Variants in EYS observed in about 807,000 individuals in gnomAD.
EYS encodes protein eyes shut homolog.
EYS carries 250 observed loss-of-function variants against 282.1 expected under a neutral mutation model. The observed-to-expected ratio is 0.89, with a 90% confidence interval of 0.80 to 0.98. EYS has a LOEUF of 0.98. Among genes scored for constraint, EYS ranks in the 50% least tolerant of loss-of-function variants. The probability of loss-of-function intolerance (pLI) is 0.00; values close to 1 mark genes in which losing one functional copy is unlikely to be tolerated. For missense variants in EYS, 4,016 were observed against 3,709.0 expected (o/e 1.08, Z -2.15); for synonymous variants, 1,355 against 1,282.9 (o/e 1.06, Z -1.20).
intron 1 of EYS, among the ~76,000 whole-genome samples, chr6:65,655,407 AGTT>A (rs2149821872): frequency 6.6e-6 from 1 of 151,804 alleles, no homozygotes; most frequent in African/African-American, 2.4e-5. Context: ...ATCATTAATA[AGTT>A]GTTGTTTATA....
At chr6:65,092,268 T>C (rs1423441965) in intron 12 of EYS, among the ~76,000 whole-genome samples, 1 of 152,160 alleles carries the variant, frequency 6.6e-6, no homozygotes, top group Non-Finnish European at 1.5e-5. Flanking sequence ...CAAAGATTCA[T>C]ACTATTAAAA....
chr6:65,392,055 A>T (rs964163822), intron 7 of EYS, among the ~76,000 whole-genome samples: 1 of 152,148 alleles, frequency 6.6e-6, no homozygotes, highest in Non-Finnish European at 1.5e-5. Context: ...AACCTGAGAG[A>T]AACAAGCAAT....
At chr6:65,436,434 C>T (rs946099277) in intron 5 of EYS, among the ~76,000 whole-genome samples, 7 of 151,820 alleles carry the variant, frequency 4.6e-5, no homozygotes, top group African/African-American at 9.7e-5. Context: ...TGAAAGGACT[C>T]GGCCAGAGCA....
intron 35 of EYS, among the ~76,000 whole-genome samples, chr6:63,888,477 T>G (rs7764594): frequency 6.6e-6 from 1 of 152,150 alleles, no homozygotes; most frequent in African/African-American, 2.4e-5. Context: ...GCAGCCTCCA[T>G]TGGCGATACC....
intron 12 of EYS, among the ~76,000 whole-genome samples, chr6:65,287,005 G>A (rs1284896641): frequency 6.6e-6 from 1 of 151,340 alleles, no homozygotes; most frequent in Non-Finnish European, 1.5e-5. Flanking sequence ...GCTCAGTAGT[G>A]TTATCACCTT....
At chr6:64,848,286 G>GT (rs1256278857) in intron 19 of EYS, among the ~76,000 whole-genome samples, 5 of 151,258 alleles carry the variant, frequency 3.3e-5, no homozygotes, top group Middle Eastern at 3.2e-3. Context: ...ATAATATTAT[G>GT]TTTTTTTATA....
intron 31 of EYS, among the ~76,000 whole-genome samples, chr6:64,131,454 T>C (rs1015840991): frequency 6.6e-6 from 1 of 152,194 alleles, no homozygotes; most frequent in African/African-American, 2.4e-5. Context: ...AGTTGTCATG[T>C]AGAGTCTATG....
At position 65,495,257 on chromosome 6, in the gene EYS, C is replaced by A. The variant is rs749994406; in HGVS notation, c.154G>T (p.Asp52Tyr). 1.2e-6 allele frequency: 2 copies of A among 1,614,074 alleles called. No homozygotes were observed. The highest frequency in any genetic ancestry group is 2.2e-5 in the South Asian group (2 of 91,084). The part of the protein sequence containing the change: ...NWTLTENICL[D>Y]FYRDCWFLGV... ...AAAAACCAGCAATCTCTGTAGAAGT[C>A]CAAGCAGATGTTTTCTGTTAGTGTC... The change falls in exon 4 of 43, where the codon GAC becomes TAC. Residue 52 changes from aspartate (D) to tyrosine (Y), a missense_variant. Transcript: ENST00000503581.
intron 12 of EYS, among the ~76,000 whole-genome samples, chr6:65,227,038 C>T (rs1766645084): frequency 6.6e-6 from 1 of 151,602 alleles, no homozygotes; most frequent in Non-Finnish European, 1.5e-5. Flanking sequence ...AGTGAGAGAC[C>T]AGCCTGATCA....
intron 30 of EYS, among the ~76,000 whole-genome samples, chr6:64,248,779 G>C (rs1341267903): frequency 1.3e-5 from 2 of 152,112 alleles, no homozygotes; most frequent in Non-Finnish European, 1.5e-5. Context: ...GATCGGCCGG[G>C]TGCAGTGGCT....
intron 35 of EYS, among the ~76,000 whole-genome samples, chr6:63,914,873 G>T (rs1764379964): frequency 6.6e-6 from 1 of 152,180 alleles, no homozygotes; most frequent in Admixed American, 6.6e-5. Context: ...CTTGAGAGAG[G>T]TGAGAAAGCT....
At chr6:64,412,830 T>C (rs1252334574) in intron 28 of EYS, 1 of 152,164 alleles carries the variant, frequency 6.6e-6, no homozygotes, top group African/African-American at 2.4e-5. Context: ...TTTTCTTTAC[T>C]ATGAATAAAA....
chr6:65,503,823 T>C (rs1386166317), intron 2 of EYS, among the ~76,000 whole-genome samples: 2 of 151,866 alleles, frequency 1.3e-5, no homozygotes, highest in East Asian at 3.9e-4. Context: ...TACATGCTTG[T>C]TCTTTTGTCA....
chr6:64,867,997 A>G (rs1368774272), intron 19 of EYS, among the ~76,000 whole-genome samples: 4 of 151,440 alleles, frequency 2.6e-5, no homozygotes, highest in Non-Finnish European at 5.9e-5. Context: ...ACCCTTGTAT[A>G]TCATTTAGAA....
chr6:64,470,767 C>T (rs989055588), intron 26 of EYS, among the ~76,000 whole-genome samples: 5 of 151,970 alleles, frequency 3.3e-5, no homozygotes, highest in African/African-American at 1.2e-4. Context: ...GTCTTTTATG[C>T]TAACACTGAC....
intron 26 of EYS, among the ~76,000 whole-genome samples, chr6:64,540,654 T>C (rs1181092350): frequency 1.3e-5 from 2 of 151,920 alleles, no homozygotes; most frequent in African/African-American, 4.8e-5. Context: ...AGGTAATTTT[T>C]TGTATTTTTA....
intron 19 of EYS, among the ~76,000 whole-genome samples, chr6:64,871,412 A>G (rs558379767): frequency 6.6e-5 from 10 of 151,942 alleles, no homozygotes; most frequent in African/African-American, 2.2e-4. Context: ...TTAGGAGGGC[A>G]TTGTGGTATT....
intron 2 of EYS, among the ~76,000 whole-genome samples, chr6:65,549,582 C>A (rs998797839): frequency 1.3e-5 from 2 of 152,152 alleles, no homozygotes; most frequent in Admixed American, 1.3e-4. Context: ...GTGCCCAGTG[C>A]ACTCCCACAG....
At chr6:64,022,462 G>C (rs1769238140) in intron 33 of EYS, among the ~76,000 whole-genome samples, 1 of 152,060 alleles carries the variant, frequency 6.6e-6, no homozygotes, top group Non-Finnish European at 1.5e-5. Context: ...TTGGCATTAA[G>C]TACTTTTATA....
Sources: gnomAD v4.1 joint callset for allele counts (sites outside exome capture counted in the v4.1 genomes callset) on GRCh38, gnomAD v4.1.1 for gene constraint, MANE v1.5 for transcripts, NCBI Gene and HGNC (gene_info 2026-07-23, HGNC 2026-07-21) for gene names.